SIPA1L2: variants seen among roughly 807,000 people sequenced by gnomAD.
SIPA1L2 encodes the protein signal induced proliferation associated 1 like 2.
A neutral mutation model predicts 163.9 loss-of-function variants in SIPA1L2; 56 were observed. The observed-to-expected ratio is 0.34, with a 90% CI of 0.28 to 0.43. The LOEUF is 0.43. SIPA1L2 is among the 20% of genes least tolerant of loss of function. The probability of loss-of-function intolerance (pLI) is 1.00; values close to 1 mark genes in which losing one functional copy is unlikely to be tolerated. For missense variants in SIPA1L2, 1,974 were observed against 2,193.5 expected, an observed-to-expected ratio of 0.90 and a Z score of 2.00; for synonymous variants, 877 against 865.7, an observed-to-expected ratio of 1.01 and a Z score of -0.23.
chr1:232,531,028 T>C (rs1182441108), intron 2 of SIPA1L2, among the ~76,000 whole-genome samples: 1 of 152,200 alleles, frequency 6.6e-6, no homozygotes, highest in Non-Finnish European at 1.5e-5. Context: ...GTAGCCTGGG[T>C]TTGCTCTGCT....
chr1:232,486,060 T>C (rs1157970899), intron 5 of SIPA1L2, among the ~76,000 whole-genome samples: 4 of 152,180 alleles, frequency 2.6e-5, no homozygotes, highest in Non-Finnish European at 5.9e-5. Flanking sequence ...TTGTCTCCAT[T>C]GCCCCAGCAC....
In SIPA1L2 at chr1:232,432,432, TG is replaced by T; in HGVS notation, c.4070del (p.Ser1357Ter). 1 of 1,614,234 alleles carries T rather than the reference TG, an allele frequency of 6.2e-7. No individual in the cohort carries two copies. The highest frequency in any genetic ancestry group is 8.5e-7 in the Non-Finnish European group (1 of 1,180,044). The stretch of plus-strand genomic sequence containing the variant: ...ATGAATCCAGAGACCCACTACTTTT[TG>T]AACAGTGAGCTGAAGGGCTTCCTGA... The part of the protein sequence containing the change: ...HHSGSPSAHC[S>X]KSSGSLDSSK... On this transcript the variant is annotated frameshift_variant, in exon 16 of 23. Transcript: ENST00000674635. LOFTEE classifies it high-confidence loss of function.
intron 2 of SIPA1L2, among the ~76,000 whole-genome samples, chr1:232,527,710 ATTC>A (rs200687319): frequency 3.3e-4 from 45 of 136,772 alleles, no homozygotes; most frequent in South Asian, 7.2e-4. Flanking sequence ...ACCCCATTTA[ATTC>A]TTCTTCTTCT....
chr1:232,413,596 G>A (rs1661079158), intron 19 of SIPA1L2, among the ~76,000 whole-genome samples: 2 of 152,212 alleles, frequency 1.3e-5, no homozygotes, highest in South Asian at 4.1e-4. Flanking sequence ...AGCTGGGATA[G>A]TTCTGGGCTG....
At chr1:232,563,773 G>A (rs1255428376) in intron 2 of SIPA1L2, among the ~76,000 whole-genome samples, 1 of 152,060 alleles carries the variant, frequency 6.6e-6, no homozygotes, top group Non-Finnish European at 1.5e-5. Flanking sequence ...GGAGTGCAGT[G>A]GCATGATCTC....
intron 2 of SIPA1L2, among the ~76,000 whole-genome samples, chr1:232,573,858 T>C (rs1411946501): frequency 2.0e-5 from 3 of 152,148 alleles, no homozygotes; most frequent in African/African-American, 7.2e-5. Flanking sequence ...GGATGCTCCA[T>C]GTAGATAACA....
intron 2 of SIPA1L2, among the ~76,000 whole-genome samples, chr1:232,564,235 CGTGTGTGTGTGTGTGT>C (rs59088753): frequency 0.029 from 849 of 29,680 alleles, 51 homozygotes; most frequent in South Asian, 0.035. Context: ...TTTTTTTTTT[CGTGTGTGTGTGTGTGT>C]GTGTGTGTGT....
intron 3 of SIPA1L2, among the ~76,000 whole-genome samples, chr1:232,499,931 G>A (rs1666379892): frequency 6.6e-6 from 1 of 152,128 alleles, no homozygotes; most frequent in African/African-American, 2.4e-5. Flanking sequence ...TGCTCTAACA[G>A]CAGAACAAAG....
At chr1:232,629,827 C>T (rs1663289520) in intron 1 of SIPA1L2, among the ~76,000 whole-genome samples, 42 bp downstream of exon 1, 1 of 152,002 alleles carries the variant, frequency 6.6e-6, no homozygotes, top group South Asian at 2.1e-4. Flanking sequence ...GCATCCCGAA[C>T]CGACCCTCGC....
At chr1:232,503,563 C>T (rs755935680) in intron 3 of SIPA1L2, among the ~76,000 whole-genome samples, 1 of 152,236 alleles carries the variant, frequency 6.6e-6, no homozygotes, top group Non-Finnish European at 1.5e-5. Context: ...CCAGTGACCA[C>T]AGCACCATTT....
At chr1:232,440,836 C>T (rs1662848283) in intron 14 of SIPA1L2, among the ~76,000 whole-genome samples, 1 of 152,240 alleles carries the variant, frequency 6.6e-6, no homozygotes, top group African/African-American at 2.4e-5. Flanking sequence ...GGACTGAGAA[C>T]TACCACGTGG....
intron 1 of SIPA1L2, among the ~76,000 whole-genome samples, chr1:232,602,589 A>G (rs183113099): frequency 6.6e-6 from 1 of 152,240 alleles, no homozygotes; most frequent in African/African-American, 2.4e-5. Context: ...TCGGCCTCCC[A>G]AAGTGCTGGG....
chr1:232,483,737 G>A, intron 6 of SIPA1L2, 55 bp downstream of exon 6: 1 of 1,593,034 alleles, frequency 6.3e-7, no homozygotes. Flanking sequence ...GATTTATGAA[G>A]CATGCCTACC....
chr1:232,526,832 A>C (rs961710879), intron 2 of SIPA1L2, among the ~76,000 whole-genome samples: 2 of 152,108 alleles, frequency 1.3e-5, no homozygotes, highest in Non-Finnish European at 2.9e-5. Context: ...ACATCCTCTC[A>C]CTGCAGATGT....
chr1:232,509,203 C>T (rs534926165), intron 3 of SIPA1L2, among the ~76,000 whole-genome samples: 5 of 152,370 alleles, frequency 3.3e-5, no homozygotes, highest in East Asian at 1.9e-4. Context: ...AATCCTTTCA[C>T]AAAGTTATTC....
chr1:232,505,344 T>A (rs1666679055), intron 3 of SIPA1L2, among the ~76,000 whole-genome samples: 1 of 152,250 alleles, frequency 6.6e-6, no homozygotes, highest in South Asian at 2.1e-4. Context: ...CTTTAAGAAC[T>A]AATGCTCCAA....
intron 7 of SIPA1L2, among the ~76,000 whole-genome samples, chr1:232,478,719 C>T (rs995344765): frequency 1.3e-5 from 2 of 152,052 alleles, no homozygotes; most frequent in African/African-American, 4.8e-5. Context: ...CAATCAAATC[C>T]CTAAAATTAA....
chr1:232,621,242 G>T (rs190405842), intron 1 of SIPA1L2, among the ~76,000 whole-genome samples: 2 of 152,090 alleles, frequency 1.3e-5, no homozygotes, highest in African/African-American at 4.8e-5. Flanking sequence ...GAGAGAACAG[G>T]GCAGTTTTTA....
intron 13 of SIPA1L2, 79 bp from the exon 14 acceptor site, chr1:232,441,473 A>G: frequency 8.4e-7 from 1 of 1,195,998 alleles, no homozygotes; most frequent in East Asian, 2.3e-5. Context: ...GAGTCAGACA[A>G]GTGGTTTGGT....
Sources: allele counts gnomAD v4.1 joint callset (sites outside exome capture counted in the v4.1 genomes callset), GRCh38; gene constraint gnomAD v4.1.1; transcripts MANE v1.5; gene names NCBI Gene and HGNC (gene_info 2026-07-23, HGNC 2026-07-21).